CSMD2: variants seen among roughly 807,000 people sequenced by gnomAD.
CSMD2 encodes the protein CUB and Sushi multiple domains 2.
CSMD2 carries 130 observed loss-of-function variants against 398.5 expected under a neutral mutation model. That is an observed-to-expected ratio of 0.33 (90% CI 0.28 to 0.38). The LOEUF is 0.38. Ranked by LOEUF, CSMD2 falls within the 10% of genes least tolerant of loss-of-function variation. The pLI is 1.00. For missense variants in CSMD2, 3,829 were observed against 4,764.9 expected (o/e 0.80, Z 5.78); for synonymous variants, 1,828 against 1,908.5 (o/e 0.96, Z 1.10).
rs773358790 is a variant in CSMD2 at position 33,614,616 on chromosome 1, C to G, written c.6021G>C (p.Gln2007His). 1.9e-6 allele frequency: 3 copies of G among 1,593,676 alleles called. No homozygotes were observed. Among genetic ancestry groups the G allele is most frequent in the East Asian group, 2.2e-5 (1 of 44,784 alleles). Residue 2007 changes from glutamine (Q) to histidine (H), a missense_variant, in exon 40 of 71, where the codon CAG (glutamine) becomes CAC (histidine). By Grantham distance (24) the Gln-to-His change is conservative. Transcript: ENST00000373381. ...CCATCTCCTCCACTGTTCCCCCACA[C>G]TGTGCTGTGACAATGAGATGAGACA... ...WNYPPPLCIAQCGGTVEEMEG... is the reference protein window; with the variant it reads ...WNYPPPLCIAHCGGTVEEMEG...
At chr1:33,557,395 A>C (rs1463675877) in intron 55 of CSMD2, among the ~76,000 whole-genome samples, 1 of 152,168 alleles carries the variant, frequency 6.6e-6, no homozygotes, top group African/African-American at 2.4e-5. Flanking sequence ...GGAAAAGGTA[A>C]AGTTGGGAGA....
intron 37 of CSMD2, among the ~76,000 whole-genome samples, chr1:33,618,951 C>T (rs1213762809): frequency 1.3e-5 from 2 of 152,150 alleles, no homozygotes; most frequent in East Asian, 3.9e-4. Flanking sequence ...CTAAAACAGT[C>T]CTCATCCTGC....
chr1:33,971,750 G>T (rs1008657428), intron 3 of CSMD2, among the ~76,000 whole-genome samples: 2 of 152,138 alleles, frequency 1.3e-5, no homozygotes, highest in African/African-American at 2.4e-5. Context: ...GGTGAGAGGG[G>T]GTGCCTCCAA....
chr1:33,940,112 C>A (rs1014649648), intron 3 of CSMD2, among the ~76,000 whole-genome samples: 2 of 152,168 alleles, frequency 1.3e-5, no homozygotes, highest in Non-Finnish European at 2.9e-5. Context: ...TTCCTTTTCT[C>A]TTCCTAGCTT....
At chr1:33,766,801 GAA>G (rs1180244643) in intron 13 of CSMD2, among the ~76,000 whole-genome samples, 2 of 152,228 alleles carry the variant, frequency 1.3e-5, no homozygotes, top group Admixed American at 1.3e-4. Flanking sequence ...GTTATCTTTA[GAA>G]AAGTGAAAGT....
chr1:33,666,141 G>A (rs768460445), intron 25 of CSMD2, among the ~76,000 whole-genome samples: 2 of 152,104 alleles, frequency 1.3e-5, no homozygotes, highest in South Asian at 2.1e-4. Flanking sequence ...TACCAGGAAC[G>A]TAGCTACTCA....
chr1:34,062,810 T>C (rs1654668035), intron 2 of CSMD2, among the ~76,000 whole-genome samples: 1 of 152,230 alleles, frequency 6.6e-6, no homozygotes, highest in Non-Finnish European at 1.5e-5. Flanking sequence ...GAACTGGCTA[T>C]AGAAACCTAT....
intron 28 of CSMD2, among the ~76,000 whole-genome samples, chr1:33,651,229 G>C (rs1027683171): frequency 3.3e-5 from 5 of 152,158 alleles, no homozygotes; most frequent in Admixed American, 3.3e-4. Context: ...GGAGCTAGGA[G>C]GATGGAGAAG....
At chr1:34,048,880 G>T (rs1208870712) in intron 2 of CSMD2, among the ~76,000 whole-genome samples, 1 of 152,256 alleles carries the variant, frequency 6.6e-6, no homozygotes, top group South Asian at 2.1e-4. Flanking sequence ...GGACAGAAAT[G>T]CTTGTTGGCC....
chr1:33,697,571 GT>G (rs1338214971), intron 24 of CSMD2, among the ~76,000 whole-genome samples: 1 of 152,184 alleles, frequency 6.6e-6, no homozygotes, highest in Admixed American at 6.5e-5. Flanking sequence ...CACCATGCTG[GT>G]TCACACTTTC....
In CSMD2 at chr1:33,702,380, T is replaced by C. The variant is rs188556605; in HGVS notation, c.3577-1707A>G. Among the ~76,000 whole-genome samples, 85 of 152,274 alleles carry C rather than the reference T, an allele frequency of 5.6e-4. No homozygotes were observed. In the East Asian group the frequency reaches 7.9e-3, roughly 14 times the overall value. On this transcript the variant is annotated intron_variant, in intron 22 of 70. Coordinates refer to ENST00000373381, the MANE Select transcript of CSMD2 (RefSeq NM_001281956.2). ...AATAAAAAGTATGATGGGAACAGGA[T>C]ATTTTCCTTAATTTCCAAGCATAAT...
chr1:34,163,061 C>G lies in CSMD2; in HGVS notation c.187+1850G>C, dbSNP rs888641864. Among the ~76,000 whole-genome samples the G allele has an allele frequency of 5.9e-5, 9 of 152,202 alleles. No individual in the cohort carries two copies. The highest frequency in any genetic ancestry group is 2.2e-4 in the African/African-American group (9 of 41,462). ...CAGCACCGCTGAGCGGTGCAAGCGC[C>G]GGTGAGTCGGCCTTTTTCTCTCCCC... On this transcript the variant is annotated intron_variant, in intron 1 of 70. Transcript: ENST00000373381. The surrounding 1 kb of genome is among the most constrained non-coding windows in gnomAD (Gnocchi z 5.4).
At chr1:33,557,678 T>C in intron 55 of CSMD2, 56 bp downstream of exon 55, 1 of 1,440,434 alleles carries the variant, frequency 6.9e-7, no homozygotes, top group Non-Finnish European at 9.4e-7. Flanking sequence ...AGGGGAGGAC[T>C]GTTCTTTGAC....
chr1:34,049,874 G>C (rs114040272), intron 2 of CSMD2, among the ~76,000 whole-genome samples: 185 of 152,284 alleles, frequency 1.2e-3, no homozygotes, highest in Admixed American at 1.8e-3. Context: ...TCGGGAGGTA[G>C]TTAGGATTAG....
At chr1:33,903,005 A>T (rs1185523271) in intron 5 of CSMD2, among the ~76,000 whole-genome samples, 1 of 152,210 alleles carries the variant, frequency 6.6e-6, no homozygotes, top group Non-Finnish European at 1.5e-5. Flanking sequence ...GACACAGGGC[A>T]CTGCAGCTCA....
chr1:33,966,534 G>C lies in CSMD2; in HGVS notation c.518-30580C>G, dbSNP rs1331983399. Among the ~76,000 whole-genome samples, 4 of 152,310 alleles carry C rather than the reference G, an allele frequency of 2.6e-5. No individual in the cohort carries two copies. In the South Asian group the frequency reaches 8.3e-4, roughly 32 times the overall value. ...TGTGGCAACTCCTGTAAAGTGATAA[G>C]AATCTTCATTTTATTGTGAAAAATC... On this transcript the variant is annotated intron_variant, in intron 3 of 70. Coordinates refer to ENST00000373381, the MANE Select transcript of CSMD2 (RefSeq NM_001281956.2).
chr1:34,101,891 T>C (rs1659980136), intron 1 of CSMD2, among the ~76,000 whole-genome samples: 1 of 152,198 alleles, frequency 6.6e-6, no homozygotes, highest in Admixed American at 6.5e-5. Context: ...TTCTATTAGG[T>C]CTTACTATTT....
At chr1:34,021,866 T>C (rs1648937425) in intron 3 of CSMD2, among the ~76,000 whole-genome samples, 1 of 152,216 alleles carries the variant, frequency 6.6e-6, no homozygotes, top group Admixed American at 6.5e-5. Flanking sequence ...ATTAAGCAGT[T>C]ACCATATTTC....
intron 3 of CSMD2, among the ~76,000 whole-genome samples, chr1:33,981,651 T>C (rs1184533753): frequency 6.6e-6 from 1 of 152,238 alleles, no homozygotes; most frequent in Non-Finnish European, 1.5e-5. Flanking sequence ...GCCACTCTCC[T>C]GGAGCTTTCA....
Sources: gnomAD v4.1 joint callset for allele counts (sites outside exome capture counted in the v4.1 genomes callset) on GRCh38, gnomAD v4.1.1 for gene constraint, Gnocchi (gnomAD v3.1) non-coding constraint, MANE v1.5 for transcripts, NCBI Gene and HGNC (gene_info 2026-07-23, HGNC 2026-07-21) for gene names.